The following PUS7 variants were observed in gnomAD, a reference collection of about 807,000 sequenced individuals.
The protein encoded by PUS7 is pseudouridine synthase 7, also known as pseudouridylate synthase 7 homolog.
A neutral mutation model predicts 79.8 loss-of-function variants in PUS7; 48 were observed. The ratio of observed to expected loss-of-function variants is 0.60; its 90% CI spans 0.48 to 0.76. The LOEUF is 0.76. Ranked by LOEUF, PUS7 falls within the 30% of genes least tolerant of loss-of-function variation. The pLI is 0.00. For missense variants in PUS7, 729 were observed against 797.6 expected (o/e 0.91, Z 1.04); for synonymous variants, 286 against 272.2 (o/e 1.05, Z -0.50).
At chr7:105,506,106 T>C in intron 3 of PUS7, 50 bp from the exon 4 acceptor site, 1 of 1,575,012 alleles carries the variant, frequency 6.3e-7, no homozygotes, top group Non-Finnish European at 8.7e-7. Flanking sequence ...AGAATTCAAG[T>C]TTAATAAAGC....
At chr7:105,492,567 G>A (rs1824836785) in intron 6 of PUS7, among the ~76,000 whole-genome samples, 2 of 142,658 alleles carry the variant, frequency 1.4e-5, no homozygotes. Context: ...GTGCAGTGGC[G>A]GGATCTCGGC....
chr7:105,469,693 C>T (rs1311854467), intron 11 of PUS7, among the ~76,000 whole-genome samples: 2 of 152,198 alleles, frequency 1.3e-5, no homozygotes, highest in African/African-American at 2.4e-5. Context: ...CTCCAGACCT[C>T]AGGAGATCCA....
At chr7:105,480,948 C>A in intron 9 of PUS7, 104 bp downstream of exon 9, 1 of 1,321,762 alleles carries the variant, frequency 7.6e-7, no homozygotes, top group Non-Finnish European at 1.0e-6. Flanking sequence ...GGTTCATTTG[C>A]CCCAGACATG....
At chr7:105,486,099 T>C (rs1466690368) in intron 7 of PUS7, among the ~76,000 whole-genome samples, 1 of 151,156 alleles carries the variant, frequency 6.6e-6, no homozygotes, top group Non-Finnish European at 1.5e-5. Context: ...CAGGCTGGAG[T>C]GGAGTGCACT....
intron 7 of PUS7, among the ~76,000 whole-genome samples, chr7:105,482,979 T>C (rs1196090966): frequency 6.6e-6 from 1 of 152,202 alleles, no homozygotes; most frequent in Non-Finnish European, 1.5e-5. Flanking sequence ...CCCTTTCTTT[T>C]TTTAAAAGAC....
At chr7:105,473,051 G>A (rs961832844) in intron 9 of PUS7, among the ~76,000 whole-genome samples, 5 of 151,278 alleles carry the variant, frequency 3.3e-5, no homozygotes, top group South Asian at 4.2e-4. Context: ...ATAAGCCCCC[G>A]TGCCCGGCCC....
At chr7:105,508,053 A>C in intron 2 of PUS7, 62 bp downstream of exon 2, 1 of 1,496,794 alleles carries the variant, frequency 6.7e-7, no homozygotes, top group South Asian at 1.4e-5. Flanking sequence ...TATAAAGCTA[A>C]TTTCTTTCTA....
At chr7:105,501,396 GA>G (rs970225246) in intron 5 of PUS7, among the ~76,000 whole-genome samples, 7 of 148,564 alleles carry the variant, frequency 4.7e-5, no homozygotes, top group African/African-American at 9.9e-5. Context: ...TTTGGTAGGT[GA>G]AAAAAAAAAT....
intron 1 of PUS7, among the ~76,000 whole-genome samples, chr7:105,520,398 G>A (rs1480846785): frequency 7.1e-6 from 1 of 140,566 alleles, no homozygotes; most frequent in Non-Finnish European, 1.6e-5. Context: ...GGCGGAGCCT[G>A]CAGTGAGCCG....
At chr7:105,481,563 CACT>C (rs1297388847) in intron 8 of PUS7, among the ~76,000 whole-genome samples, 2 of 152,044 alleles carry the variant, frequency 1.3e-5, no homozygotes, top group Admixed American at 1.3e-4. Flanking sequence ...CAATCCTCAC[CACT>C]ATCTACTTCC....
rs756940820 is a variant in PUS7 at position 105,468,419 on chromosome 7, G to A, written c.1443C>T (p.Ser481=). 2 of 1,612,476 alleles carry A rather than the reference G, an allele frequency of 1.2e-6. No individual in the cohort carries two copies. The highest frequency in any genetic ancestry group is 8.5e-7 in the Non-Finnish European group (1 of 1,178,768). Residue 481 remains serine (S), a synonymous_variant, in exon 12 of 16, where the codon AGC becomes AGT. Coordinates refer to ENST00000469408, the MANE Select transcript of PUS7 (RefSeq NM_019042.5). ...NRLMYIHSYQ[S]YVWNNMVSKR... is the part of the protein sequence containing the mutation. Reference sequence around the variant, plus strand: ...TGCTTACCATGTTATTCCACACATAGCTTTGGTAGCTATGAATATACATTA... The same window carrying A: ...TGCTTACCATGTTATTCCACACATAACTTTGGTAGCTATGAATATACATTA...
At chr7:105,459,383 A>C in intron 14 of PUS7, 124 bp from the exon 15 acceptor site, 1 of 511,056 alleles carries the variant, frequency 2.0e-6, no homozygotes, top group African/African-American at 2.0e-5. Context: ...ATAGTTAGGA[A>C]TCTTGAATAA....
At chr7:105,490,318 G>A (rs931738434) in intron 7 of PUS7, among the ~76,000 whole-genome samples, 5 of 151,882 alleles carry the variant, frequency 3.3e-5, no homozygotes, top group Non-Finnish European at 7.4e-5. Flanking sequence ...AAGTTTCCTT[G>A]CCCCTATGTT....
At chr7:105,462,134 A>G (rs1460613158) in intron 14 of PUS7, 2 of 152,374 alleles carry the variant, frequency 1.3e-5, no homozygotes, top group African/African-American at 4.8e-5. Flanking sequence ...GAGAAAAAAG[A>G]AAAGAAAAAA....
At position 105,506,264 on chromosome 7, in the gene PUS7, G is replaced by T; in HGVS notation, c.408C>A (p.Asp136Glu). The T allele has an allele frequency of 6.2e-7, 1 of 1,610,540 alleles. No homozygotes were observed. Among genetic ancestry groups the T allele is most frequent in the Non-Finnish European group, 8.5e-7 (1 of 1,177,906 alleles). The change falls in exon 3 of 16, where the codon GAC becomes GAA. Residue 136 changes from aspartate (D) to glutamate (E), a missense_variant. By Grantham distance (45) the Asp-to-Glu change is conservative. Transcript: ENST00000469408. The stretch of plus-strand genomic sequence containing the variant: ...CTTTTCCTATTTCATGAACAACGAA[G>T]TCGGAGTATCTGATGAAAGAAAACA... ...FSGILKERYSDFVVHEIGKDG... is the reference protein window; with the variant it reads ...FSGILKERYSEFVVHEIGKDG...
intron 5 of PUS7, among the ~76,000 whole-genome samples, chr7:105,501,961 A>G: frequency 1.0e-5 from 1 of 98,086 alleles, no homozygotes; most frequent in Non-Finnish European, 2.0e-5. Context: ...TCTCAAAAAA[A>G]AAAAAAAAAT....
At chr7:105,514,550 G>C (rs1005194930) in intron 1 of PUS7, among the ~76,000 whole-genome samples, 1 of 151,650 alleles carries the variant, frequency 6.6e-6, no homozygotes, top group Non-Finnish European at 1.5e-5. Flanking sequence ...CTTGCAGTGA[G>C]CCGAGATCGC....
At chr7:105,517,597 C>T (rs1165571549) in intron 1 of PUS7, among the ~76,000 whole-genome samples, 1 of 152,240 alleles carries the variant, frequency 6.6e-6, no homozygotes, top group East Asian at 1.9e-4. Flanking sequence ...ATACTAGATT[C>T]ACCAACTAAG....
intron 7 of PUS7, 57 bp downstream of exon 7, chr7:105,491,483 T>C (rs1452717980): frequency 8.7e-7 from 1 of 1,143,968 alleles, no homozygotes; most frequent in East Asian, 2.6e-5. Context: ...TTGAGAATTC[T>C]GAAAAGCAGT....
Sources: allele counts gnomAD v4.1 joint callset (sites outside exome capture counted in the v4.1 genomes callset), GRCh38; gene constraint gnomAD v4.1.1; transcripts MANE v1.5; gene names NCBI Gene and HGNC (gene_info 2026-07-23, HGNC 2026-07-21).